NPAS3: variants seen among roughly 807,000 people sequenced by gnomAD.
The protein encoded by NPAS3 is neuronal PAS domain-containing protein 3.
NPAS3 carries 14 observed loss-of-function variants against 73.1 expected under a neutral mutation model. The ratio of observed to expected loss-of-function variants is 0.19; its 90% CI spans 0.13 to 0.30. NPAS3 has a LOEUF of 0.30. NPAS3 is among the 10% of genes least tolerant of loss of function. The pLI is 1.00. For missense variants in NPAS3, 1,096 were observed against 1,250.0 expected (o/e 0.88, Z 1.86); for synonymous variants, 620 against 541.5 (o/e 1.14, Z -2.01).
intron 5 of NPAS3, among the ~76,000 whole-genome samples, chr14:33,655,331 C>CTTTTTTTT (rs3059406): frequency 9.4e-6 from 1 of 105,886 alleles, no homozygotes; most frequent in South Asian, 3.2e-4. Context: ...ACCTTTGGCT[C>CTTTTTTTT]TTTTTTTTTT....
chr14:33,093,464 G>A (rs1350057820), intron 2 of NPAS3, among the ~76,000 whole-genome samples: 2 of 152,118 alleles, frequency 1.3e-5, no homozygotes, highest in African/African-American at 2.4e-5. Context: ...AAAAGTCAGG[G>A]AACAACAGGT....
chr14:33,690,668 T>C (rs575104029), intron 6 of NPAS3, among the ~76,000 whole-genome samples: 2 of 152,112 alleles, frequency 1.3e-5, no homozygotes, highest in Non-Finnish European at 2.9e-5. Context: ...GTTTCTCAAA[T>C]ACAAGAGTCA....
At chr14:33,721,475 A>G (rs181023790) in intron 6 of NPAS3, among the ~76,000 whole-genome samples, 1 of 152,270 alleles carries the variant, frequency 6.6e-6, no homozygotes, top group Non-Finnish European at 1.5e-5. Context: ...AGCATGCGTA[A>G]TTTTAACACC....
At chr14:33,337,494 T>A (rs1323326181) in intron 3 of NPAS3, among the ~76,000 whole-genome samples, 1 of 152,132 alleles carries the variant, frequency 6.6e-6, no homozygotes, top group African/African-American at 2.4e-5. Context: ...TCTGTACCTT[T>A]ATAGTACATT....
chr14:33,763,736 G>GTTCT (rs2062370297), intron 7 of NPAS3, among the ~76,000 whole-genome samples: 1 of 152,008 alleles, frequency 6.6e-6, no homozygotes, highest in Non-Finnish European at 1.5e-5. Flanking sequence ...AAGTCTCTTT[G>GTTCT]TTCTTTTATT....
At chr14:33,135,706 T>G (rs930621588) in intron 2 of NPAS3, among the ~76,000 whole-genome samples, 1 of 152,116 alleles carries the variant, frequency 6.6e-6, no homozygotes, top group African/African-American at 2.4e-5. Flanking sequence ...TTGACTCTTT[T>G]GGATTTCTGA....
intron 2 of NPAS3, among the ~76,000 whole-genome samples, chr14:33,154,507 G>T (rs1197604787): frequency 6.6e-6 from 1 of 152,184 alleles, no homozygotes; most frequent in Admixed American, 6.5e-5. Context: ...AATGCTTCCC[G>T]ACTTCTTTTT....
At chr14:33,600,830 C>G (rs971904810) in intron 5 of NPAS3, among the ~76,000 whole-genome samples, 1 of 152,188 alleles carries the variant, frequency 6.6e-6, no homozygotes, top group Non-Finnish European at 1.5e-5. Context: ...GTTAAACCAT[C>G]TAAACTCTGA....
intron 2 of NPAS3, among the ~76,000 whole-genome samples, chr14:33,194,529 G>T (rs1037548162): frequency 1.3e-5 from 2 of 152,248 alleles, no homozygotes; most frequent in Non-Finnish European, 2.9e-5. Flanking sequence ...GTTGAAAGGA[G>T]ATTTCACTTT....
intron 1 of NPAS3, among the ~76,000 whole-genome samples, chr14:33,004,427 T>C (rs1192164548): frequency 1.3e-5 from 2 of 152,086 alleles, no homozygotes; most frequent in African/African-American, 2.4e-5. Flanking sequence ...ATAGAAAAGG[T>C]CCAGTAAAAA....
At chr14:33,466,136 ACT>A (rs1297074545) in intron 4 of NPAS3, among the ~76,000 whole-genome samples, 1 of 152,054 alleles carries the variant, frequency 6.6e-6, no homozygotes, top group African/African-American at 2.4e-5. Context: ...GGAGTATTAC[ACT>A]GTGTGGGAGA....
At chr14:33,319,403 A>G (rs992106829) in intron 3 of NPAS3, among the ~76,000 whole-genome samples, 1 of 152,110 alleles carries the variant, frequency 6.6e-6, no homozygotes, top group Non-Finnish European at 1.5e-5. Flanking sequence ...TTAAAACTAC[A>G]ATTAAAATGC....
chr14:33,190,957 T>C (rs1413125631), intron 2 of NPAS3, among the ~76,000 whole-genome samples: 1 of 152,216 alleles, frequency 6.6e-6, no homozygotes, highest in Admixed American at 6.5e-5. Context: ...TAATAGATGC[T>C]TATGGATTCC....
At chr14:33,104,949 G>A (rs1381896863) in intron 2 of NPAS3, among the ~76,000 whole-genome samples, 2 of 152,172 alleles carry the variant, frequency 1.3e-5, no homozygotes, top group African/African-American at 4.8e-5. Context: ...ATTGATAATG[G>A]GGGTTGCGTT....
intron 3 of NPAS3, among the ~76,000 whole-genome samples, chr14:33,347,520 T>G (rs948957281): frequency 2.0e-5 from 3 of 152,252 alleles, no homozygotes; most frequent in African/African-American, 7.2e-5. Flanking sequence ...GCCGGAGGGC[T>G]TCACAGGTGT....
At chr14:33,689,236 G>A (rs774636133) in intron 6 of NPAS3, among the ~76,000 whole-genome samples, 26 of 152,092 alleles carry the variant, frequency 1.7e-4, no homozygotes, top group Non-Finnish European at 3.5e-4. Flanking sequence ...TAGCCCTCTG[G>A]TCTAGATTGG....
chr14:33,553,915 GAGCAGTAT>G lies in NPAS3; in HGVS notation c.469-6201_469-6194del, dbSNP rs879453778. On this transcript the variant is annotated intron_variant, in intron 4 of 11. Coordinates refer to ENST00000356141, the Ensembl canonical transcript of NPAS3. ...GCTTGGAGTCCACATGTGTGTGCCT[GAGCAGTAT>G]AGCATCACTTCCTGAGTGCATTCGG... Among the ~76,000 whole-genome samples, 239 of 152,290 alleles carry G rather than the reference GAGCAGTAT, an allele frequency of 1.6e-3. 1 individual carries two copies. Among genetic ancestry groups the G allele is most frequent in the African/African-American group, 5.3e-3 (221 of 41,554 alleles).
intron 2 of NPAS3, among the ~76,000 whole-genome samples, chr14:33,108,530 A>G (rs2042791952): frequency 6.6e-6 from 1 of 152,156 alleles, no homozygotes; most frequent in African/African-American, 2.4e-5. Flanking sequence ...CAAATGAACT[A>G]TTGAATTATG....
chr14:33,276,997 C>G (rs1446840699), intron 3 of NPAS3, among the ~76,000 whole-genome samples: 1 of 152,102 alleles, frequency 6.6e-6, no homozygotes, highest in African/African-American at 2.4e-5. Context: ...CCAGAGCTTA[C>G]ATTCTAGCAG....
Sources: gnomAD v4.1 joint callset for allele counts (sites outside exome capture counted in the v4.1 genomes callset) on GRCh38, gnomAD v4.1.1 for gene constraint, MANE v1.5 for transcripts, NCBI Gene and HGNC (gene_info 2026-07-23, HGNC 2026-07-21) for gene names.